Variants in LGR6 observed in about 807,000 individuals in gnomAD.
LGR6 encodes leucine-rich repeat-containing G protein-coupled receptor 6.
LGR6 carries 45 observed loss-of-function variants against 69.4 expected under a neutral mutation model. The ratio of observed to expected loss-of-function variants is 0.65; its 90% CI spans 0.51 to 0.83. The LOEUF (loss-of-function observed/expected upper bound fraction) is 0.83. LGR6 is among the 40% of genes least tolerant of loss of function. The pLI, the probability that LGR6 is intolerant of heterozygous loss-of-function variation, is 0.00. For synonymous variants in LGR6, 538 were observed against 555.0 expected, an observed-to-expected ratio of 0.97 and a Z score of 0.43; for missense variants, 1,108 against 1,246.7, an observed-to-expected ratio of 0.89 and a Z score of 1.68.
chr1:202,239,344 GGTGTGTGTGTGTGTGTGT>G (rs36157781), intron 4 of LGR6, among the ~76,000 whole-genome samples: 7 of 144,156 alleles, frequency 4.9e-5, no homozygotes, highest in Non-Finnish European at 9.1e-5. Flanking sequence ...GTGTGTGTGT[GGTGTGTGTGTGTGTGTGT>G]GTGTGTGTGT....
In LGR6 at chr1:202,263,816, A is replaced by C. The variant is rs575860250; in HGVS notation, c.429-12490A>C. Among the ~76,000 whole-genome samples, 55 of 152,358 alleles carry C rather than the reference A, an allele frequency of 3.6e-4. 2 individuals carry two copies. The South Asian group carries it at 9.1e-3, about 25-fold the overall frequency. The stretch of plus-strand genomic sequence containing the variant: ...ACTATGTACTGTGGGACAAAGAGGT[A>C]AGGCAAGAGGCACATTTGCATATGA... On this transcript the variant is annotated intron_variant, in intron 4 of 17. Coordinates refer to ENST00000367278, the MANE Select transcript of LGR6 (RefSeq NM_001017403.2).
chr1:202,226,803 G>T (rs2147957694), intron 2 of LGR6, among the ~76,000 whole-genome samples: 1 of 152,318 alleles, frequency 6.6e-6, no homozygotes, highest in East Asian at 1.9e-4. Flanking sequence ...TGGCCAGTAG[G>T]CAGGAAAGCC....
At chr1:202,245,017 G>A (rs912520114) in intron 4 of LGR6, among the ~76,000 whole-genome samples, 2 of 152,122 alleles carry the variant, frequency 1.3e-5, no homozygotes, top group African/African-American at 2.4e-5. Flanking sequence ...TGAAGGTGCC[G>A]TCTGCTGTGG....
chr1:202,305,761 G>A lies in LGR6; in HGVS notation c.1136+12G>A, dbSNP rs372727999. 57 of 1,613,512 alleles carry A rather than the reference G, an allele frequency of 3.5e-5. 2 individuals are homozygous for A. The highest frequency in any genetic ancestry group is 2.7e-4 in the East Asian group (12 of 44,894). Reference sequence around the variant, plus strand: ...AAATTGGAGGAAATGTGAGTCTGGGGTAGGGAAGAGGCAAAAGCACGCCAG... The same window carrying A: ...AAATTGGAGGAAATGTGAGTCTGGGATAGGGAAGAGGCAAAAGCACGCCAG... On this transcript the variant is annotated intron_variant, in intron 12 of 17. Coordinates refer to ENST00000367278, the MANE Select transcript of LGR6 (RefSeq NM_001017403.2).
chr1:202,230,842 G>T (rs1237039575), intron 3 of LGR6, among the ~76,000 whole-genome samples: 2 of 152,152 alleles, frequency 1.3e-5, no homozygotes, highest in Non-Finnish European at 2.9e-5. Flanking sequence ...CTGGCATCTA[G>T]AAAGACTCCT....
rs551264553 is a variant in LGR6 at position 202,201,483 on chromosome 1, A to G, written c.212+7282A>G. Among the ~76,000 whole-genome samples, 8 of 152,292 alleles carry G rather than the reference A, an allele frequency of 5.3e-5. No homozygotes were observed. In the South Asian group the frequency reaches 1.0e-3, roughly 20 times the overall value. On this transcript the variant is annotated intron_variant, in intron 1 of 17. Coordinates refer to ENST00000367278, the MANE Select transcript of LGR6 (RefSeq NM_001017403.2). ...GTGCTAGTGTTATCCCCACTTACCAATGAGGAAACCAAGGCTTTTCAGTGC... is the reference window on the plus strand; with the variant it reads ...GTGCTAGTGTTATCCCCACTTACCAGTGAGGAAACCAAGGCTTTTCAGTGC...
intron 6 of LGR6, among the ~76,000 whole-genome samples, chr1:202,289,388 A>G (rs1346006520): frequency 6.6e-6 from 1 of 152,150 alleles, no homozygotes; most frequent in African/African-American, 2.4e-5. Context: ...ATTACTTTTT[A>G]CCACCCTTCT....
At chr1:202,214,257 G>A in intron 1 of LGR6, 3 of 1,525,100 alleles carry the variant, frequency 2.0e-6, no homozygotes, top group South Asian at 2.5e-5. Context: ...GGGGAAGGGT[G>A]CCGAGCTCCG....
intron 1 of LGR6, among the ~76,000 whole-genome samples, chr1:202,205,829 C>T (rs1466473885): frequency 1.5e-5 from 2 of 130,756 alleles, no homozygotes; most frequent in Non-Finnish European, 3.3e-5. Flanking sequence ...ACACACACCC[C>T]AACACACACA....
Position 202,318,712 on chromosome 1 carries a change from C to CA in LGR6, c.2410dup (p.Thr804AsnfsTer34). 1 of 1,613,616 alleles carries CA rather than the reference C, an allele frequency of 6.2e-7. No homozygotes were observed. The highest frequency in any genetic ancestry group is 8.5e-7 in the Non-Finnish European group (1 of 1,180,014). ...CCTCCATGCTGGGCCTCTTCCCTGT[C>CA]ACGCCCGAGGCCGTCAAGTCTGTCC... is the stretch of plus-strand genomic sequence containing the variant. On this transcript the variant is annotated frameshift_variant, in exon 18 of 18. Coordinates refer to ENST00000367278, the MANE Select transcript of LGR6 (RefSeq NM_001017403.2). LOFTEE classifies it low-confidence loss of function (END_TRUNC).
intron 6 of LGR6, 107 bp from the exon 7 acceptor site, chr1:202,297,400 GA>G (rs1384523757): frequency 3.6e-6 from 3 of 832,768 alleles, no homozygotes; most frequent in Non-Finnish European, 5.9e-6. Context: ...CAACAGATTG[GA>G]AAACCCATCT....
chr1:202,276,513 TGTG>T lies in LGR6; in HGVS notation c.640_642del (p.Val214del). 6.2e-7 allele frequency: 1 copy of T among 1,612,614 alleles called. No homozygotes were observed. Among genetic ancestry groups the T allele is most frequent in the Non-Finnish European group, 8.5e-7 (1 of 1,179,116 alleles). Reference sequence around the variant, plus strand: ...ACGCGTTCCAGAATCTCACCAGCCTTGTGGTGCTGTGAGTGCTGCTCTGTTCCC... The same window carrying T: ...ACGCGTTCCAGAATCTCACCAGCCTTGTGCTGTGAGTGCTGCTCTGTTCCC... On this transcript the variant is annotated inframe_deletion, in exon 5 of 18. Transcript: ENST00000367278.
chr1:202,303,162 A>G (rs1667729965), intron 9 of LGR6, 117 bp from the exon 10 acceptor site: 1 of 784,962 alleles, frequency 1.3e-6, no homozygotes, highest in African/African-American at 1.7e-5. Context: ...ATTGCAGGGA[A>G]GCATGACATT....
intron 4 of LGR6, among the ~76,000 whole-genome samples, chr1:202,265,800 C>A (rs1000250798): frequency 1.3e-5 from 2 of 152,108 alleles, no homozygotes; most frequent in African/African-American, 4.8e-5. Flanking sequence ...ATAACTGGAT[C>A]AATAAAAAAC....
chr1:202,296,730 C>A (rs145266441), intron 6 of LGR6, among the ~76,000 whole-genome samples: 2 of 152,300 alleles, frequency 1.3e-5, no homozygotes, highest in African/African-American at 2.4e-5. Flanking sequence ...GGTGCCTAAG[C>A]AGTGCTGTTC....
intron 3 of LGR6, among the ~76,000 whole-genome samples, chr1:202,233,223 T>A (rs758417582): frequency 6.6e-6 from 1 of 152,192 alleles, no homozygotes; most frequent in Admixed American, 6.5e-5. Flanking sequence ...ATCTTTCTAG[T>A]TATCTCTCTG....
intron 1 of LGR6, among the ~76,000 whole-genome samples, chr1:202,201,719 G>A (rs1232602969): frequency 1.3e-5 from 2 of 152,202 alleles, no homozygotes; most frequent in East Asian, 1.9e-4. Context: ...TGTCTTTCTG[G>A]GGGAAGGATC....
chr1:202,216,880 T>C (rs1431016324), intron 1 of LGR6, among the ~76,000 whole-genome samples: 1 of 152,214 alleles, frequency 6.6e-6, no homozygotes, highest in Non-Finnish European at 1.5e-5. Context: ...GAGAAGCTTC[T>C]CCTGGCTCTG....
At chr1:202,269,565 C>G (rs1162496464) in intron 4 of LGR6, among the ~76,000 whole-genome samples, 1 of 152,218 alleles carries the variant, frequency 6.6e-6, no homozygotes, top group African/African-American at 2.4e-5. Context: ...GCATCATCTT[C>G]CTCTTCTTGG....
Sources: gnomAD v4.1 joint callset for allele counts (sites outside exome capture counted in the v4.1 genomes callset) on GRCh38, gnomAD v4.1.1 for gene constraint, MANE v1.5 for transcripts, NCBI Gene and HGNC (gene_info 2026-07-23, HGNC 2026-07-21) for gene names.